XIRP2: variants seen among roughly 807,000 people sequenced by gnomAD.
The protein encoded by XIRP2 is xin actin binding repeat containing 2, also known as xin actin-binding repeat-containing protein 2.
A neutral mutation model predicts 277.0 loss-of-function variants in XIRP2; 236 were observed. The observed-to-expected ratio is 0.85, with a 90% CI of 0.77 to 0.95. The LOEUF (loss-of-function observed/expected upper bound fraction) is 0.95, where lower values mean the gene tolerates loss of function less well. Among genes scored for constraint, XIRP2 ranks in the 40% least tolerant of loss-of-function variants. The pLI is 0.00. For missense variants in XIRP2, 4,640 were observed against 4,157.5 expected, an observed-to-expected ratio of 1.12 and a Z score of -3.19; for synonymous variants, 1,490 against 1,416.5, an observed-to-expected ratio of 1.05 and a Z score of -1.17.
At chr2:167,039,110 GA>G (rs1397686488) in intron 2 of XIRP2, among the ~76,000 whole-genome samples, 3 of 151,906 alleles carry the variant, frequency 2.0e-5, no homozygotes, top group South Asian at 2.1e-4. Flanking sequence ...ATCCAATTTA[GA>G]AGATATATAC....
chr2:167,084,857 G>A (rs1172100640), intron 2 of XIRP2, among the ~76,000 whole-genome samples: 13 of 150,584 alleles, frequency 8.6e-5, no homozygotes, highest in Admixed American at 2.0e-4. Context: ...TCTTGCTAGC[G>A]GTCTATCACT....
intron 2 of XIRP2, among the ~76,000 whole-genome samples, chr2:167,080,804 C>T (rs1232257045): frequency 1.3e-5 from 2 of 152,056 alleles, no homozygotes; most frequent in Non-Finnish European, 2.9e-5. Context: ...TGTAGCCATT[C>T]CAATGGGTGC....
intron 3 of XIRP2, among the ~76,000 whole-genome samples, chr2:167,209,187 T>G (rs1463199847): frequency 6.6e-6 from 1 of 152,212 alleles, no homozygotes; most frequent in African/African-American, 2.4e-5. Context: ...TGTGATAGTA[T>G]GTTAAGTATT....
intron 2 of XIRP2, among the ~76,000 whole-genome samples, chr2:166,917,470 T>C (rs895707950): frequency 2.6e-5 from 4 of 152,312 alleles, no homozygotes; most frequent in African/African-American, 7.2e-5. Flanking sequence ...TTTTACTGCT[T>C]CCTGTCCAGT....
chr2:166,890,947 AG>A (rs878966650), intron 1 of XIRP2, among the ~76,000 whole-genome samples: 3 of 152,254 alleles, frequency 2.0e-5, no homozygotes, highest in East Asian at 3.9e-4. Flanking sequence ...TAGCACAAAC[AG>A]GGGTTATGGT....
intron 2 of XIRP2, among the ~76,000 whole-genome samples, chr2:167,134,830 T>C (rs1287718849): frequency 6.6e-6 from 1 of 152,150 alleles, no homozygotes; most frequent in East Asian, 1.9e-4. Context: ...AATACTACGA[T>C]AGTCCATCTG....
At chr2:166,998,492 C>G (rs1039749714) in intron 2 of XIRP2, among the ~76,000 whole-genome samples, 5 of 151,980 alleles carry the variant, frequency 3.3e-5, no homozygotes, top group African/African-American at 1.2e-4. Context: ...AAAAAATTAG[C>G]TGGGGGTGGT....
intron 2 of XIRP2, among the ~76,000 whole-genome samples, chr2:167,021,507 T>C (rs1198479916): frequency 1.3e-5 from 2 of 152,112 alleles, no homozygotes; most frequent in African/African-American, 2.4e-5. Context: ...GTCAATTACC[T>C]TTTTTAAAAA....
At chr2:167,157,206 A>G (rs919680187) in intron 3 of XIRP2, among the ~76,000 whole-genome samples, 11 of 152,310 alleles carry the variant, frequency 7.2e-5, no homozygotes, top group Admixed American at 1.3e-4. Flanking sequence ...GTTTGTCATG[A>G]GAGAGCTCAG....
At chr2:167,038,293 C>T (rs942051066) in intron 2 of XIRP2, among the ~76,000 whole-genome samples, 1 of 151,852 alleles carries the variant, frequency 6.6e-6, no homozygotes, top group African/African-American at 2.4e-5. Flanking sequence ...TTGCACCAAC[C>T]TATTAGTTTC....
chr2:167,236,448 G>A (rs1694901559), intron 5 of XIRP2, among the ~76,000 whole-genome samples: 1 of 151,858 alleles, frequency 6.6e-6, no homozygotes, highest in Admixed American at 6.6e-5. Flanking sequence ...TGATATAGTT[G>A]GTTAATATAT....
intron 3 of XIRP2, among the ~76,000 whole-genome samples, chr2:167,144,388 G>A (rs571538357): frequency 7.9e-5 from 12 of 151,988 alleles, no homozygotes; most frequent in East Asian, 3.9e-4. Context: ...AACAGTACAC[G>A]TAGTCCTAGC....
intron 2 of XIRP2, among the ~76,000 whole-genome samples, chr2:167,070,550 A>C (rs1406007440): frequency 6.6e-6 from 1 of 152,190 alleles, no homozygotes; most frequent in East Asian, 1.9e-4. Flanking sequence ...ATCTGAAAAT[A>C]GTTTGGAATT....
In XIRP2 at chr2:167,258,251, A is replaced by G; in HGVS notation, c.*434A>G. ...ACCTAAGTGGCCACCTGAAATGACA[A>G]CCCTGCTATCCCCTGAATTTAAAAG... On this transcript the variant is annotated 3_prime_UTR_variant, in exon 11 of 11. Coordinates refer to ENST00000409195, the MANE Select transcript of XIRP2 (RefSeq NM_152381.6). 1 of 1,613,250 alleles carries G rather than the reference A, an allele frequency of 6.2e-7. No homozygotes were observed. Among genetic ancestry groups the G allele is most frequent in the Non-Finnish European group, 8.5e-7 (1 of 1,179,606 alleles).
chr2:167,100,168 A>T (rs1558980215), intron 2 of XIRP2, among the ~76,000 whole-genome samples: 1 of 151,890 alleles, frequency 6.6e-6, no homozygotes, highest in Non-Finnish European at 1.5e-5. Context: ...TAAAAAAAAA[A>T]TTAAAAAAAA....
chr2:167,019,362 A>T (rs1291177692), intron 2 of XIRP2, among the ~76,000 whole-genome samples: 1 of 152,084 alleles, frequency 6.6e-6, no homozygotes, highest in Non-Finnish European at 1.5e-5. Flanking sequence ...AATACCATGA[A>T]TAAGAAAGGT....
intron 3 of XIRP2, among the ~76,000 whole-genome samples, chr2:167,181,230 G>C (rs1692998302): frequency 6.6e-6 from 1 of 152,180 alleles, no homozygotes; most frequent in Admixed American, 6.5e-5. Context: ...ACACGGAATT[G>C]GTGAGCCCAC....
intron 2 of XIRP2, among the ~76,000 whole-genome samples, chr2:166,952,350 C>G (rs1558928266): frequency 6.6e-6 from 1 of 151,984 alleles, no homozygotes; most frequent in Non-Finnish European, 1.5e-5. Context: ...GAACAAAATT[C>G]AAATCATATC....
At chr2:167,041,624 A>T (rs1688662147) in intron 2 of XIRP2, among the ~76,000 whole-genome samples, 1 of 152,082 alleles carries the variant, frequency 6.6e-6, no homozygotes, top group Non-Finnish European at 1.5e-5. Context: ...GACAAAAATA[A>T]AGAAAAAATA....
Sources: gnomAD v4.1 joint callset for allele counts (sites outside exome capture counted in the v4.1 genomes callset) on GRCh38, gnomAD v4.1.1 for gene constraint, MANE v1.5 for transcripts, NCBI Gene and HGNC (gene_info 2026-07-23, HGNC 2026-07-21) for gene names.